The following DPP4 variants were observed in gnomAD, a reference collection of about 807,000 sequenced individuals.
The protein encoded by DPP4 is ADCP-2.
In DPP4, 93 loss-of-function variants were observed where a neutral mutation model predicts 122.4. The observed-to-expected ratio is 0.76, with a 90% CI of 0.64 to 0.90. The LOEUF is 0.90. Among genes scored for constraint, DPP4 ranks in the 40% least tolerant of loss-of-function variants. DPP4 has a pLI of 0.00. For missense variants in DPP4, 914 were observed against 907.3 expected, an observed-to-expected ratio of 1.01 and a Z score of -0.09; for synonymous variants, 321 against 302.9, an observed-to-expected ratio of 1.06 and a Z score of -0.62.
intron 2 of DPP4, among the ~76,000 whole-genome samples, chr2:162,066,863 T>C (rs561557114): frequency 2.0e-5 from 3 of 152,128 alleles, no homozygotes; most frequent in Non-Finnish European, 4.4e-5. Flanking sequence ...AATCAGCTGT[T>C]ACGGAAACGA....
At position 162,020,215 on chromosome 2, in the gene DPP4, G is replaced by T; in HGVS notation, c.1244+14C>A. On this transcript the variant is annotated intron_variant, in intron 14 of 25. Transcript: ENST00000360534. ...CAAGTAGGTTTATATCCTATCAATT[G>T]TTACAATACTCACAGATAATCACTG... The T allele has an allele frequency of 6.3e-7, 1 of 1,596,676 alleles. No homozygotes were observed. The highest frequency in any genetic ancestry group is 8.5e-7 in the Non-Finnish European group (1 of 1,173,612).
At chr2:161,996,285 C>T (rs1701001888) in intron 23 of DPP4, among the ~76,000 whole-genome samples, 1 of 152,114 alleles carries the variant, frequency 6.6e-6, no homozygotes, top group African/African-American at 2.4e-5. Context: ...AGGGGGTGAG[C>T]TAGAGTCTAC....
intron 2 of DPP4, among the ~76,000 whole-genome samples, chr2:162,063,916 C>T (rs995657672): frequency 6.6e-6 from 1 of 151,994 alleles, no homozygotes; most frequent in Non-Finnish European, 1.5e-5. Flanking sequence ...ATGATGTTGC[C>T]ACATGCAAGG....
At chr2:162,063,746 C>A (rs549100207) in intron 2 of DPP4, among the ~76,000 whole-genome samples, 2 of 152,106 alleles carry the variant, frequency 1.3e-5, no homozygotes, top group East Asian at 3.9e-4. Context: ...GGGTAACAGA[C>A]AGTGATAATA....
Position 162,020,274 on chromosome 2 carries a change from C to T in DPP4, c.1199G>A (p.Gly400Asp). Reference protein sequence around the residue: ...DKKDCTFITKGTWEVIGIEAL... With the variant: ...DKKDCTFITKDTWEVIGIEAL... ...TTCTATCCCGATGACTTCCCAGGTG[C>T]CTTTTGTAATAAATGTGCAGTCCTG... The change falls in exon 14 of 26, where the codon GGC (glycine) becomes GAC (aspartate). Residue 400 changes from glycine to aspartate, a missense_variant. By Grantham distance (94) the Gly-to-Asp change is moderately conservative (BLOSUM62 -1). Coordinates refer to ENST00000360534, the MANE Select transcript of DPP4 (RefSeq NM_001935.4). 1 of 1,601,516 alleles carries T rather than the reference C, an allele frequency of 6.2e-7. No individual in the cohort carries two copies. The highest frequency in any genetic ancestry group is 8.5e-7 in the Non-Finnish European group (1 of 1,176,074).
intron 5 of DPP4, among the ~76,000 whole-genome samples, chr2:162,042,235 T>C (rs1397391370): frequency 6.6e-6 from 1 of 152,164 alleles, no homozygotes; most frequent in African/African-American, 2.4e-5. Context: ...GGCAACAATC[T>C]CAGATGCATG....
At position 162,018,754 on chromosome 2, in the gene DPP4, C is replaced by T. The variant is rs1683010444; in HGVS notation, c.1395G>A (p.Ala465=). 6 of 1,613,976 alleles carry T rather than the reference C, an allele frequency of 3.7e-6. No individual in the cohort carries two copies. Among genetic ancestry groups the T allele is most frequent in the South Asian group, 1.1e-5 (1 of 91,048 alleles). The change falls in exon 16 of 26, where the codon GCG becomes GCA. Residue 465 remains alanine, a synonymous_variant. Coordinates refer to ENST00000360534, the MANE Select transcript of DPP4 (RefSeq NM_001935.4). ...QYYSVSFSKE[A]KYYQLRCSGP... ...CGGAACATCTCAGCTGATAATACTT[C>T]GCCTCTTTACTGAATGACACAGAAT...
chr2:162,045,995 A>G (rs940133230), intron 4 of DPP4, among the ~76,000 whole-genome samples: 1 of 152,182 alleles, frequency 6.6e-6, no homozygotes, highest in Non-Finnish European at 1.5e-5. Context: ...TGTCAGACAG[A>G]GTGGAAGGTG....
chr2:162,005,625 C>A (rs1442471911), intron 23 of DPP4, 120 bp downstream of exon 23: 7 of 886,976 alleles, frequency 7.9e-6, no homozygotes, highest in Non-Finnish European at 1.0e-5. Context: ...TGTGTTATTT[C>A]TTTTAACAAG....
intron 2 of DPP4, among the ~76,000 whole-genome samples, chr2:162,056,770 T>C (rs1024034279): frequency 1.2e-4 from 19 of 152,188 alleles, no homozygotes; most frequent in African/African-American, 4.6e-4. Context: ...TGCCAAGATG[T>C]AGGCTAGTAG....
intron 23 of DPP4, among the ~76,000 whole-genome samples, chr2:161,995,833 A>G (rs1009415935): frequency 1.2e-4 from 18 of 152,212 alleles, no homozygotes; most frequent in Non-Finnish European, 1.9e-4. Flanking sequence ...GCAACTAAAC[A>G]TACTCTGCAA....
At chr2:162,029,597 A>G (rs1263446372) in intron 10 of DPP4, among the ~76,000 whole-genome samples, 1 of 152,226 alleles carries the variant, frequency 6.6e-6, no homozygotes, top group Non-Finnish European at 1.5e-5. Flanking sequence ...CTGTGTGACA[A>G]TCTGAGGCTT....
intron 25 of DPP4, among the ~76,000 whole-genome samples, chr2:161,994,113 A>C (rs1700933657): frequency 6.6e-6 from 1 of 152,250 alleles, no homozygotes; most frequent in Non-Finnish European, 1.5e-5. Flanking sequence ...TTATGGAGAC[A>C]TAAGTTAACT....
intron 10 of DPP4, among the ~76,000 whole-genome samples, chr2:162,030,842 A>G (rs995158559): frequency 2.0e-5 from 3 of 152,242 alleles, no homozygotes; most frequent in East Asian, 1.9e-4. Flanking sequence ...GGTAATATAC[A>G]TTCCACACAA....
At chr2:162,001,856 T>C (rs1309190416) in intron 23 of DPP4, among the ~76,000 whole-genome samples, 1 of 152,226 alleles carries the variant, frequency 6.6e-6, no homozygotes, top group Non-Finnish European at 1.5e-5. Context: ...TAGCTCAGAT[T>C]TGTCACCCCT....
At chr2:162,063,089 G>A (rs892511729) in intron 2 of DPP4, among the ~76,000 whole-genome samples, 9 of 152,150 alleles carry the variant, frequency 5.9e-5, no homozygotes, top group Non-Finnish European at 1.2e-4. Context: ...CAAACTCTGA[G>A]AGAATATGAA....
chr2:162,031,137 T>C (rs889444731), intron 10 of DPP4, among the ~76,000 whole-genome samples: 1 of 152,222 alleles, frequency 6.6e-6, no homozygotes, highest in African/African-American at 2.4e-5. Flanking sequence ...CCAGCAGGCA[T>C]AGGCCTTGGT....
At chr2:162,016,977 G>A in intron 17 of DPP4, 111 bp from the exon 18 acceptor site, 2 of 1,397,012 alleles carry the variant, frequency 1.4e-6, no homozygotes, top group Non-Finnish European at 2.0e-6. Flanking sequence ...ACATACTTCA[G>A]GTTATAAGGC....
At chr2:162,033,138 T>A (rs1683621406) in intron 10 of DPP4, among the ~76,000 whole-genome samples, 1 of 152,184 alleles carries the variant, frequency 6.6e-6, no homozygotes, top group African/African-American at 2.4e-5. Flanking sequence ...GCTCTTCACA[T>A]CACTGCCACA....
Sources: allele counts gnomAD v4.1 joint callset (sites outside exome capture counted in the v4.1 genomes callset), GRCh38; gene constraint gnomAD v4.1.1; transcripts MANE v1.5; gene names NCBI Gene and HGNC (gene_info 2026-07-23, HGNC 2026-07-21).